SART1: variants seen among roughly 807,000 people sequenced by gnomAD.
The protein encoded by SART1 is U4/U6.U5 tri-snRNP-associated protein 1.
A neutral mutation model predicts 105.0 loss-of-function variants in SART1; 28 were observed. That is an observed-to-expected ratio of 0.27 (90% CI 0.20 to 0.37). The LOEUF (loss-of-function observed/expected upper bound fraction) is 0.37. Ranked by LOEUF, SART1 falls within the 10% of genes least tolerant of loss-of-function variation. The pLI is 1.00. For missense variants in SART1, 894 were observed against 1,106.5 expected (o/e 0.81, Z 2.72); for synonymous variants, 472 against 462.9 (o/e 1.02, Z -0.25).
In SART1 at chr11:65,978,943, G is replaced by A. The variant is rs1855536957; in HGVS notation, c.2384+29G>A. On this transcript the variant is annotated intron_variant, in intron 19 of 19. Coordinates refer to ENST00000312397, the MANE Select transcript of SART1 (RefSeq NM_005146.5). This position sits in a 1 kb window ranked among gnomAD's most constrained non-coding sequence, Gnocchi z 6.8. ...AGTGGCTCGAGGCTGGTGGGGTAGGGTGTGGTGGGGAGGGGTGGCGTGGCC... is the reference window on the plus strand; with the variant it reads ...AGTGGCTCGAGGCTGGTGGGGTAGGATGTGGTGGGGAGGGGTGGCGTGGCC... 6.2e-7 allele frequency: 1 copy of A among 1,613,670 alleles called. No individual in the cohort carries two copies.
intron 12 of SART1, among the ~76,000 whole-genome samples, chr11:65,970,384 C>T (rs771979274): frequency 3.3e-5 from 5 of 152,152 alleles, no homozygotes; most frequent in African/African-American, 1.2e-4. Context: ...GTTTCCCACC[C>T]GCAAAGGAGC....
chr11:65,970,610 C>A, intron 12 of SART1, among the ~76,000 whole-genome samples: 1 of 124,638 alleles, frequency 8.0e-6, no homozygotes, highest in Non-Finnish European at 1.8e-5. Context: ...CAGCCCATGG[C>A]CGATTGTTCT....
intron 15 of SART1, among the ~76,000 whole-genome samples, 174 bp downstream of exon 15, chr11:65,977,275 G>A (rs1191081983): frequency 1.3e-5 from 2 of 152,208 alleles, no homozygotes; most frequent in Non-Finnish European, 2.9e-5. Flanking sequence ...CGTCTGCTCT[G>A]CCTTTGAGGC....
chr11:65,966,453 A>T lies in SART1; in HGVS notation c.1085A>T (p.Glu362Val), dbSNP rs566083988. The change falls in exon 9 of 20, where the codon GAG becomes GTG. Residue 362 changes from glutamate (E) to valine (V), a missense_variant. Coordinates refer to ENST00000312397, the MANE Select transcript of SART1 (RefSeq NM_005146.5). ...EQGGTADGLR[E>V]RELEEIRAKL... ...GGCGGCACGGCTGATGGCCTGCGGG[A>T]GCGGGAGCTGGAGGAGATCCGGGCC... is the stretch of plus-strand genomic sequence containing the variant. The T allele has an allele frequency of 6.8e-6, 11 of 1,613,196 alleles. No homozygotes were observed. In the South Asian group the frequency reaches 1.2e-4, roughly 18 times the overall value.
rs1288829516 is a variant in SART1 at position 65,979,811 on chromosome 11, G to T, written c.*781G>T. 1 of 152,198 alleles carries T rather than the reference G, an allele frequency of 6.6e-6. No homozygotes were observed. Among genetic ancestry groups the T allele is most frequent in the African/African-American group, 2.4e-5 (1 of 41,438 alleles). 9.4% of individuals were successfully genotyped at this position (152,198 alleles called of 1,614,324 possible). Reference sequence around the variant, plus strand: ...ACCAAAAAATAAATTGAAGAAAACTGTAAACTTTAAAGAATAATCAGCTGG... The same window carrying T: ...ACCAAAAAATAAATTGAAGAAAACTTTAAACTTTAAAGAATAATCAGCTGG... On this transcript the variant is annotated 3_prime_UTR_variant, in exon 20 of 20. Coordinates refer to ENST00000312397, the MANE Select transcript of SART1 (RefSeq NM_005146.5).
intron 3 of SART1, 43 bp downstream of exon 3, chr11:65,964,613 T>C: frequency 6.4e-7 from 1 of 1,571,400 alleles, no homozygotes; most frequent in South Asian, 1.2e-5. Context: ...AAAGAGGCCA[T>C]CTGAAGGGGT....
chr11:65,967,567 C>T lies in SART1; in HGVS notation c.1410C>T (p.Asn470=), dbSNP rs746148366. The change falls in exon 11 of 20, where the codon AAC becomes AAT. Residue 470 remains asparagine (N), a synonymous_variant. Transcript: ENST00000312397. ...PLPSDDTRVE[N]MDISDEEEGG... ...CGTCGGACGACACCCGAGTGGAGAA[C>T]ATGGACATCAGTGATGAGGGTGAGG... is the stretch of plus-strand genomic sequence containing the variant. The T allele has an allele frequency of 1.2e-6, 2 of 1,612,664 alleles. No homozygotes were observed. Among genetic ancestry groups the T allele is most frequent in the South Asian group, 1.1e-5 (1 of 91,052 alleles).
At position 65,979,329 on chromosome 11, in the gene SART1, C is replaced by G. The variant is rs1228520513; in HGVS notation, c.*299C>G. 1.9e-6 allele frequency: 1 copy of G among 539,172 alleles called. No individual in the cohort carries two copies. The highest frequency in any genetic ancestry group is 1.9e-5 in the African/African-American group (1 of 52,576). The allele number at this position is 539,172 out of a possible 1,614,324, so 33.4% of individuals were successfully genotyped here. A position where few individuals can be genotyped will look rare whatever the true frequency, so the allele number is the denominator to read the frequency against. On this transcript the variant is annotated 3_prime_UTR_variant, in exon 20 of 20. Transcript: ENST00000312397. ...AAGGCGGTTTTAGAAACTCATCACC[C>G]TGCTCTCTCCTGGCCTCGGGGGCTG...
intron 12 of SART1, among the ~76,000 whole-genome samples, chr11:65,973,810 G>C (rs1855429620): frequency 6.6e-6 from 1 of 152,178 alleles, no homozygotes. Context: ...GTGTGCATCA[G>C]GGTTACTCTC....
chr11:65,962,567 T>G (rs897855837), intron 1 of SART1, among the ~76,000 whole-genome samples: 1 of 151,740 alleles, frequency 6.6e-6, no homozygotes, highest in African/African-American at 2.4e-5. Flanking sequence ...TAGACAGGGA[T>G]GTGAACACAA....
intron 12 of SART1, among the ~76,000 whole-genome samples, chr11:65,975,715 G>T (rs1855467154): frequency 6.6e-6 from 1 of 152,128 alleles, no homozygotes. Context: ...TGCAGAAGTG[G>T]ACATAGTGAC....
exon 20 of SART1, among the ~76,000 whole-genome samples, chr11:65,980,132 AAAT>A (rs1855558059): frequency 6.6e-6 from 1 of 152,212 alleles, no homozygotes; most frequent in Non-Finnish European, 1.5e-5. Flanking sequence ...AAAAAATTTA[AAAT>A]AATCTTGGGG....
Position 65,977,834 on chromosome 11 carries a change from G to A in SART1, c.2107G>A (p.Gly703Ser), listed in dbSNP as rs201995541. The A allele has an allele frequency of 1.3e-4, 217 of 1,613,976 alleles. No homozygotes were observed. Among genetic ancestry groups the A allele is most frequent in the Admixed American group, 2.5e-4 (15 of 60,014 alleles). ...GFTQDFKEKDGYKPDVKIEYV... is the reference protein window; with the variant it reads ...GFTQDFKEKDSYKPDVKIEYV... ...CACACAGGACTTCAAGGAGAAGGAC[G>A]GCTACAAACCCGACGTTAAGATCGA... Residue 703 changes from glycine (G) to serine (S), a missense_variant, in exon 17 of 20, where the codon GGC (glycine) becomes AGC (serine). Gly to Ser is a moderately conservative substitution (Grantham distance 56). This residue lies in a region of SART1 where 182 missense variants were observed against 328.3 expected (regional missense o/e 0.55). Coordinates refer to ENST00000312397, the MANE Select transcript of SART1 (RefSeq NM_005146.5).
Position 65,962,731 on chromosome 11 carries a change from C to T in SART1, c.313+638C>T, listed in dbSNP as rs1031908584. Reference sequence around the variant, plus strand: ...AGTCAAAGGTAGTCAGGACTGGAGACCAGGAAACCAGGAGGGCTATAGGCC... The same window carrying T: ...AGTCAAAGGTAGTCAGGACTGGAGATCAGGAAACCAGGAGGGCTATAGGCC... On this transcript the variant is annotated intron_variant, in intron 1 of 19. Transcript: ENST00000312397. Among the ~76,000 whole-genome samples, 6 of 152,092 alleles carry T rather than the reference C, an allele frequency of 3.9e-5. 1 individual carries two copies. Among genetic ancestry groups the T allele is most frequent in the African/African-American group, 1.2e-4 (5 of 41,382 alleles).
rs1452436021 is a variant in SART1 at position 65,977,767 on chromosome 11, C to T, written c.2040C>T (p.Ala680=). 4 of 1,613,928 alleles carry T rather than the reference C, an allele frequency of 2.5e-6. No individual in the cohort carries two copies. Among genetic ancestry groups the T allele is most frequent in the Non-Finnish European group, 3.4e-6 (4 of 1,180,024 alleles). Residue 680 remains alanine (A), a synonymous_variant, in exon 17 of 20, where the codon GCC becomes GCT. Coordinates refer to ENST00000312397, the MANE Select transcript of SART1 (RefSeq NM_005146.5). ...GGCCTCCTCTGTCTCGGGCCAGGGC[C>T]ATCGATGACAAGTACAGCCGGAGGG... is the stretch of plus-strand genomic sequence containing the variant. ...SAVYCIEDKM[A]IDDKYSRREE... is the part of the protein sequence containing the mutation.
chr11:65,965,849 G>A (rs372358365), intron 6 of SART1, 38 bp from the exon 7 acceptor site: 702 of 1,613,426 alleles, frequency 4.4e-4, no homozygotes, highest in South Asian at 5.1e-4. Flanking sequence ...GGTTGGGTGC[G>A]TGGAGGGAGG....
chr11:65,966,245 G>C, intron 8 of SART1, 27 bp downstream of exon 8: 2 of 1,613,940 alleles, frequency 1.2e-6, no homozygotes, highest in Non-Finnish European at 1.7e-6. Flanking sequence ...CTGGGTGGCG[G>C]GGGCTGAGGT....
At chr11:65,974,047 T>C (rs2134917934) in intron 12 of SART1, among the ~76,000 whole-genome samples, 1 of 151,910 alleles carries the variant, frequency 6.6e-6, no homozygotes, top group Non-Finnish European at 1.5e-5. Flanking sequence ...GACATGGGTG[T>C]GTGTTTAGTT....
At chr11:65,977,240 C>T (rs1482593528) in intron 15 of SART1, 139 bp downstream of exon 15, 2 of 656,854 alleles carry the variant, frequency 3.0e-6, no homozygotes, top group Non-Finnish European at 2.7e-6. Flanking sequence ...AGAGCCACTC[C>T]TTCCCCTCCA....
Sources: gnomAD v4.1 joint callset for allele counts (sites outside exome capture counted in the v4.1 genomes callset) on GRCh38, gnomAD v4.1.1 for gene constraint, gnomAD v4.1.1 regional missense constraint, Gnocchi (gnomAD v3.1) non-coding constraint, MANE v1.5 for transcripts, NCBI Gene and HGNC (gene_info 2026-07-23, HGNC 2026-07-21) for gene names.